Variants in NBAS observed in about 807,000 individuals in gnomAD.
NBAS encodes NAG/BC035112 fusion.
In NBAS, 219 loss-of-function variants were observed where a neutral mutation model predicts 302.5. That is an observed-to-expected ratio of 0.72 (90% CI 0.65 to 0.81). The LOEUF (loss-of-function observed/expected upper bound fraction) is 0.81, where lower values mean the gene tolerates loss of function less well. Ranked by LOEUF, NBAS falls within the 30% of genes least tolerant of loss-of-function variation. The pLI is 0.00. For missense variants in NBAS, 2,932 were observed against 2,841.6 expected, an observed-to-expected ratio of 1.03 and a Z score of -0.72; for synonymous variants, 1,118 against 1,021.6, an observed-to-expected ratio of 1.09 and a Z score of -1.80.
chr2:15,547,649 T>C (rs1368438808), intron 6 of NBAS, among the ~76,000 whole-genome samples: 3 of 152,164 alleles, frequency 2.0e-5, no homozygotes, highest in Non-Finnish European at 2.9e-5. Context: ...AAGAACCCTG[T>C]ATATCTGAAT....
At chr2:14,834,575 G>T in the NBAS span, among the ~76,000 whole-genome samples, 26 of 152,118 alleles carry the variant, frequency 1.7e-4, no homozygotes, top group Non-Finnish European at 3.7e-4. Flanking sequence ...GTATATGCAA[G>T]GTGCTATTCA....
chr2:15,431,116 CA>C (rs756476872), intron 21 of NBAS, among the ~76,000 whole-genome samples: 11 of 152,112 alleles, frequency 7.2e-5, no homozygotes, highest in Middle Eastern at 3.4e-3. Flanking sequence ...CGGTAGAGGG[CA>C]ATTTGAGCCT....
intron 36 of NBAS, 116 bp downstream of exon 36, chr2:15,330,482 G>T: frequency 1.5e-6 from 2 of 1,368,610 alleles, no homozygotes; most frequent in East Asian, 2.4e-5. Flanking sequence ...TTTCTTAAGA[G>T]ATTGTTTTAA....
the NBAS span, among the ~76,000 whole-genome samples, chr2:14,987,522 A>G: frequency 2.0e-5 from 3 of 151,990 alleles, no homozygotes; most frequent in South Asian, 6.2e-4. Flanking sequence ...GTTGGAAGGT[A>G]CCACCTTAGA....
chr2:15,084,586 A>T, the NBAS span, among the ~76,000 whole-genome samples: 1 of 152,002 alleles, frequency 6.6e-6, no homozygotes, highest in East Asian at 1.9e-4. Context: ...AAGGTGAAAC[A>T]CTGATTCCAG....
chr2:14,790,649 C>CTT, the NBAS span, among the ~76,000 whole-genome samples: 65 of 124,394 alleles, frequency 5.2e-4, no homozygotes, highest in Non-Finnish European at 5.9e-4. Flanking sequence ...GAATTCATGC[C>CTT]TTTTTTTTTT....
intron 22 of NBAS, among the ~76,000 whole-genome samples, 169 bp from the exon 23 acceptor site, chr2:15,424,637 G>A (rs1222849675): frequency 6.6e-6 from 1 of 152,188 alleles, no homozygotes; most frequent in Non-Finnish European, 1.5e-5. Context: ...CAAGATAAAT[G>A]AGACTTTTTT....
the NBAS span, among the ~76,000 whole-genome samples, chr2:14,989,287 A>ATGTATATGTG: frequency 1.4e-5 from 1 of 70,950 alleles, no homozygotes; most frequent in Non-Finnish European, 2.9e-5. Flanking sequence ...TAGTAGATGT[A>ATGTATATGTG]TGTGTATGTG....
At chr2:15,317,592 T>G (rs1671574862) in intron 38 of NBAS, among the ~76,000 whole-genome samples, 1 of 152,142 alleles carries the variant, frequency 6.6e-6, no homozygotes, top group Non-Finnish European at 1.5e-5. Context: ...GCACGAGAAC[T>G]TCATGATGCA....
At chr2:14,926,251 C>A in the NBAS span, among the ~76,000 whole-genome samples, 1 of 152,192 alleles carries the variant, frequency 6.6e-6, no homozygotes, top group Non-Finnish European at 1.5e-5. Context: ...ACCTCCACTG[C>A]AGCTAGAGAG....
the NBAS span, among the ~76,000 whole-genome samples, chr2:14,803,063 A>G: frequency 6.6e-6 from 1 of 152,216 alleles, no homozygotes; most frequent in South Asian, 2.1e-4. Context: ...ATAAAAAAAT[A>G]AAAACAATTT....
chr2:15,310,687 C>G (rs781230749), intron 38 of NBAS, among the ~76,000 whole-genome samples: 1 of 152,200 alleles, frequency 6.6e-6, no homozygotes, highest in Non-Finnish European at 1.5e-5. Flanking sequence ...CTTGTCTACC[C>G]TGCCTCGCCT....
chr2:15,409,648 C>A (rs1204750266), intron 25 of NBAS, among the ~76,000 whole-genome samples: 1 of 152,026 alleles, frequency 6.6e-6, no homozygotes, highest in East Asian at 1.9e-4. Flanking sequence ...TTCACAATTT[C>A]TCCTTCCTAT....
chr2:15,356,350 T>A lies in NBAS; in HGVS notation c.3884A>T (p.His1295Leu). The A allele has an allele frequency of 6.2e-7, 1 of 1,613,930 alleles. No individual in the cohort carries two copies. The highest frequency in any genetic ancestry group is 8.5e-7 in the Non-Finnish European group (1 of 1,179,844). Residue 1295 changes from histidine to leucine, a missense_variant, in exon 33 of 52, where the codon CAT becomes CTT. His to Leu is a moderately conservative substitution (Grantham distance 99). Coordinates refer to ENST00000281513, the MANE Select transcript of NBAS (RefSeq NM_015909.4). Reference sequence around the variant, plus strand: ...ATGCATACTGGCTGCTTTGTAGTCATGGAAGCGAAGTGCCTGCTCCACTAA... The same window carrying A: ...ATGCATACTGGCTGCTTTGTAGTCAAGGAAGCGAAGTGCCTGCTCCACTAA... ...ILLVEQALRF[H>L]DYKAASMHCQ...
At chr2:15,226,975 T>A (rs745756316) in intron 47 of NBAS, among the ~76,000 whole-genome samples, 21 of 152,314 alleles carry the variant, frequency 1.4e-4, no homozygotes, top group Admixed American at 6.5e-4. Context: ...AAAATGGGCA[T>A]CCTTGTCTTG....
chr2:14,910,094 G>T, the NBAS span, among the ~76,000 whole-genome samples: 1 of 152,106 alleles, frequency 6.6e-6, no homozygotes, highest in African/African-American at 2.4e-5. Context: ...AGGTTCATTT[G>T]CGTATGAGAA....
At chr2:15,296,685 G>A (rs886268556) in intron 40 of NBAS, among the ~76,000 whole-genome samples, 1 of 151,808 alleles carries the variant, frequency 6.6e-6, no homozygotes. Flanking sequence ...TTAAGAAAAT[G>A]AAACTTAGCC....
intron 9 of NBAS, among the ~76,000 whole-genome samples, chr2:15,514,684 G>A (rs7564514): frequency 0.64 from 95,888 of 150,538 alleles, 31,270 homozygotes; most frequent in Non-Finnish European, 0.68. Context: ...AAACATTAAT[G>A]TATTTATAAT....
the NBAS span, among the ~76,000 whole-genome samples, chr2:15,103,546 C>T: frequency 3.3e-5 from 5 of 152,226 alleles, no homozygotes; most frequent in Middle Eastern, 3.4e-3. Flanking sequence ...TGCCCCACTA[C>T]TATATTGTAA....
Sources: allele counts gnomAD v4.1 joint callset (sites outside exome capture counted in the v4.1 genomes callset), GRCh38; gene constraint gnomAD v4.1.1; transcripts MANE v1.5; gene names NCBI Gene and HGNC (gene_info 2026-07-23, HGNC 2026-07-21).